The following PCDH15 variants were observed in gnomAD, a reference collection of about 807,000 sequenced individuals.
PCDH15 encodes protocadherin-15.
In PCDH15, 129 loss-of-function variants were observed where a neutral mutation model predicts 178.5. That is an observed-to-expected ratio of 0.72 (90% CI 0.63 to 0.84). The LOEUF is 0.84. Ranked by LOEUF, PCDH15 falls within the 40% of genes least tolerant of loss-of-function variation. The pLI is 0.00. For missense variants in PCDH15, 2,230 were observed against 2,099.9 expected (o/e 1.06, Z -1.21); for synonymous variants, 800 against 732.0 (o/e 1.09, Z -1.50).
chr10:54,166,882 G>A (rs556855806), intron 13 of PCDH15, among the ~76,000 whole-genome samples: 20 of 152,142 alleles, frequency 1.3e-4, no homozygotes, highest in African/African-American at 3.4e-4. Context: ...CCTTTTCCTC[G>A]CTCATCCTGG....
At chr10:54,958,907 C>T (rs1838567762) in intron 2 of PCDH15, among the ~76,000 whole-genome samples, 1 of 151,884 alleles carries the variant, frequency 6.6e-6, no homozygotes, top group African/African-American at 2.4e-5. Flanking sequence ...CAGAATAGTT[C>T]ATACCTTAGA....
intron 2 of PCDH15, among the ~76,000 whole-genome samples, chr10:55,405,047 C>T (rs1445567414): frequency 6.6e-6 from 1 of 151,202 alleles, no homozygotes; most frequent in African/African-American, 2.4e-5. Flanking sequence ...ACTTAGCACA[C>T]ATGAATAAAC....
Position 54,980,358 on chromosome 10 carries a change from C to CT in PCDH15, c.-79-82859dup, listed in dbSNP as rs558962063. 2.7e-3 allele frequency among the ~76,000 whole-genome samples: 404 copies of CT among 152,064 alleles called. 4 individuals are homozygous for CT. Among genetic ancestry groups the CT allele is most frequent in the African/African-American group, 9.4e-3 (389 of 41,498 alleles). On this transcript the variant is annotated intron_variant, in intron 2 of 5. Transcript: ENST00000458638. The stretch of plus-strand genomic sequence containing the variant: ...ATCTAATGAAAAGAGAGTAAATACT[C>CT]TTTTTTTAATTAAAAAATATCACCA...
At chr10:55,104,706 C>CATGT (rs1401776438) in intron 2 of PCDH15, among the ~76,000 whole-genome samples, 1 of 152,110 alleles carries the variant, frequency 6.6e-6, no homozygotes, top group Non-Finnish European at 1.5e-5. Context: ...CCTCAATTTA[C>CATGT]AGTACTATCA....
intron 3 of PCDH15, among the ~76,000 whole-genome samples, chr10:54,884,480 G>GGTGTGTGTGTGT (rs11473798): frequency 0.01 from 1,530 of 148,704 alleles, 29 homozygotes; most frequent in African/African-American, 0.036. Flanking sequence ...TACTAAGATA[G>GGTGTGTGTGTGT]GTGTGTGTGT....
At chr10:54,647,148 A>G (rs963359491) in intron 2 of PCDH15, among the ~76,000 whole-genome samples, 8 of 152,138 alleles carry the variant, frequency 5.3e-5, no homozygotes, top group African/African-American at 1.9e-4. Flanking sequence ...GTGGAATAGT[A>G]TTCAGTCTTA....
intron 3 of PCDH15, among the ~76,000 whole-genome samples, chr10:54,506,862 C>G (rs906638580): frequency 4.6e-5 from 7 of 151,820 alleles, no homozygotes; most frequent in African/African-American, 1.7e-4. Flanking sequence ...GGTACCAGGA[C>G]AGAATAACAT....
intron 2 of PCDH15, among the ~76,000 whole-genome samples, chr10:55,418,663 T>C (rs935232842): frequency 4.0e-5 from 6 of 151,686 alleles, no homozygotes; most frequent in African/African-American, 1.4e-4. Flanking sequence ...TTTTGTAACT[T>C]CATATTTAAG....
chr10:55,487,474 T>C (rs993468432), intron 2 of PCDH15, among the ~76,000 whole-genome samples: 13 of 151,718 alleles, frequency 8.6e-5, no homozygotes, highest in African/African-American at 3.1e-4. Flanking sequence ...TTTGTGTGTT[T>C]ATTTCCTTTC....
intron 35 of PCDH15, among the ~76,000 whole-genome samples, chr10:53,813,962 C>T (rs1199143175): frequency 2.0e-5 from 3 of 151,870 alleles, no homozygotes; most frequent in Non-Finnish European, 4.4e-5. Flanking sequence ...GGTTTTATTT[C>T]AACAAAAATA....
intron 2 of PCDH15, among the ~76,000 whole-genome samples, chr10:55,385,764 T>C (rs1588975438): frequency 6.9e-6 from 1 of 145,204 alleles, no homozygotes; most frequent in African/African-American, 2.6e-5. Flanking sequence ...TATGTATAGA[T>C]ATATACGTAT....
chr10:54,290,338 C>G (rs1394154733), intron 8 of PCDH15, among the ~76,000 whole-genome samples: 6 of 152,142 alleles, frequency 3.9e-5, no homozygotes, highest in Non-Finnish European at 8.8e-5. Context: ...TATGGACAAG[C>G]AAATGCTGAG....
intron 5 of PCDH15, among the ~76,000 whole-genome samples, chr10:54,354,840 A>T (rs1944715857): frequency 6.6e-6 from 1 of 152,174 alleles, no homozygotes; most frequent in African/African-American, 2.4e-5. Context: ...TGATAAAAAC[A>T]GATGTTCAAA....
intron 1 of PCDH15, among the ~76,000 whole-genome samples, chr10:54,684,829 A>G (rs190519965): frequency 6.6e-6 from 1 of 152,046 alleles, no homozygotes; most frequent in Non-Finnish European, 1.5e-5. Flanking sequence ...GTGTATTAGA[A>G]TAGAATGTCT....
chr10:54,021,054 C>T (rs1589954659), intron 19 of PCDH15, among the ~76,000 whole-genome samples: 3 of 152,002 alleles, frequency 2.0e-5, no homozygotes, highest in African/African-American at 7.2e-5. Flanking sequence ...GACACAATTA[C>T]TGCCCTACAG....
At chr10:54,050,922 G>A (rs191869808) in intron 18 of PCDH15, among the ~76,000 whole-genome samples, 15 of 152,218 alleles carry the variant, frequency 9.9e-5, no homozygotes, top group South Asian at 2.1e-4. Flanking sequence ...TACTGTTCTC[G>A]TGATAGTAAT....
intron 8 of PCDH15, among the ~76,000 whole-genome samples, chr10:54,273,651 T>C (rs1172443882): frequency 6.6e-6 from 1 of 152,042 alleles, no homozygotes; most frequent in Non-Finnish European, 1.5e-5. Context: ...TCATCAAACA[T>C]ATATCCTTCC....
intron 2 of PCDH15, among the ~76,000 whole-genome samples, chr10:54,964,140 G>C (rs1316946987): frequency 6.6e-6 from 1 of 152,178 alleles, no homozygotes; most frequent in African/African-American, 2.4e-5. Context: ...GTACTATCTG[G>C]AAGCCCTGAC....
chr10:54,847,864 T>C (rs1953541680), intron 3 of PCDH15, among the ~76,000 whole-genome samples: 1 of 152,156 alleles, frequency 6.6e-6, no homozygotes, highest in Admixed American at 6.5e-5. Context: ...TTGCTCAAAC[T>C]GAGGACTGCT....
Sources: allele counts gnomAD v4.1 joint callset (sites outside exome capture counted in the v4.1 genomes callset), GRCh38; gene constraint gnomAD v4.1.1; transcripts MANE v1.5; gene names NCBI Gene and HGNC (gene_info 2026-07-23, HGNC 2026-07-21).